TRMT11: variants seen among roughly 807,000 people sequenced by gnomAD.
TRMT11 encodes tRNA methyltransferase 11.
A neutral mutation model predicts 62.8 loss-of-function variants in TRMT11; 53 were observed. That is an observed-to-expected ratio of 0.84 (90% CI 0.68 to 1.06). TRMT11 has a LOEUF of 1.06. Ranked by LOEUF, TRMT11 falls within the 50% of genes least tolerant of loss-of-function variation. The pLI is 0.00. For missense variants in TRMT11, 556 were observed against 553.4 expected (o/e 1.00, Z -0.05); for synonymous variants, 188 against 190.3 (o/e 0.99, Z 0.10).
chr6:126,039,498 A>C (rs2128084752), downstream of TRMT11, among the ~76,000 whole-genome samples: 1 of 152,206 alleles, frequency 6.6e-6, no homozygotes, highest in East Asian at 1.9e-4. Flanking sequence ...ACTGTTGCTC[A>C]AGTTAACTAC....
chr6:126,258,087 A>G, the TRMT11 span: 4 of 1,057,208 alleles, frequency 3.8e-6, no homozygotes, highest in Admixed American at 3.4e-5. Context: ...GTCAATCTCC[A>G]GTTCTGGGAT....
the TRMT11 span, among the ~76,000 whole-genome samples, chr6:126,225,509 T>C: frequency 6.6e-6 from 1 of 151,856 alleles, no homozygotes; most frequent in Non-Finnish European, 1.5e-5. Context: ...GTGCCGATCT[T>C]CTTGGTGGTC....
the TRMT11 span, among the ~76,000 whole-genome samples, chr6:126,260,990 T>G: frequency 6.6e-6 from 1 of 152,216 alleles, no homozygotes; most frequent in Non-Finnish European, 1.5e-5. Flanking sequence ...TGGGAAGTTT[T>G]CAGCTATTAT....
intron 17 of TRMT11, among the ~76,000 whole-genome samples, chr6:126,097,509 A>G (rs1248918574): frequency 6.6e-6 from 1 of 152,200 alleles, no homozygotes; most frequent in African/African-American, 2.4e-5. Flanking sequence ...GCAATAGTAT[A>G]TAGTGGTGCT....
intron 17 of TRMT11, among the ~76,000 whole-genome samples, chr6:126,107,933 C>A (rs546340969): frequency 1.8e-4 from 27 of 152,196 alleles, no homozygotes; most frequent in African/African-American, 6.3e-4. Context: ...CATAGGGTGC[C>A]AAGGAATCAT....
At chr6:126,111,263 A>G (rs1777527966) in intron 17 of TRMT11, among the ~76,000 whole-genome samples, 1 of 152,060 alleles carries the variant, frequency 6.6e-6, no homozygotes, top group South Asian at 2.1e-4. Context: ...CTCATAACCA[A>G]TGCAACAAAT....
chr6:126,128,994 A>T (rs1777750886), intron 21 of TRMT11, among the ~76,000 whole-genome samples: 1 of 143,284 alleles, frequency 7.0e-6, no homozygotes, highest in Admixed American at 7.3e-5. Context: ...TCCAGAGCTT[A>T]TGAGGAGCTA....
intron 21 of TRMT11, among the ~76,000 whole-genome samples, chr6:126,164,584 C>A (rs1778235921): frequency 6.6e-6 from 1 of 152,148 alleles, no homozygotes. Flanking sequence ...GTGTTAAATT[C>A]TCCCACTATT....
chr6:126,003,183 G>T (rs775024119), intron 7 of TRMT11, among the ~76,000 whole-genome samples: 2 of 152,096 alleles, frequency 1.3e-5, no homozygotes, highest in Non-Finnish European at 2.9e-5. Context: ...TATCCAACCC[G>T]CAGCCCATGG....
At chr6:126,268,634 T>C in the TRMT11 span, among the ~76,000 whole-genome samples, 2 of 152,172 alleles carry the variant, frequency 1.3e-5, no homozygotes, top group Non-Finnish European at 2.9e-5. Flanking sequence ...AGCTGGGACA[T>C]TCTGCTGCAG....
chr6:126,070,585 CTCTTT>C (rs750001211), intron 17 of TRMT11, among the ~76,000 whole-genome samples: 29 of 152,210 alleles, frequency 1.9e-4, no homozygotes, highest in Admixed American at 6.5e-4. Context: ...CTCCTTCCCT[CTCTTT>C]TCTTCTGCCT....
intron 1 of TRMT11, among the ~76,000 whole-genome samples, chr6:126,184,149 G>A (rs1778500310): frequency 6.6e-6 from 1 of 152,184 alleles, no homozygotes; most frequent in Non-Finnish European, 1.5e-5. Context: ...GAACTGTGAA[G>A]TGATTACCTT....
intron 17 of TRMT11, among the ~76,000 whole-genome samples, chr6:126,073,707 A>T (rs2128143537): frequency 6.6e-6 from 1 of 152,216 alleles, no homozygotes; most frequent in South Asian, 2.1e-4. Context: ...TACTTTTGTG[A>T]TTCTTAAAAG....
chr6:126,148,595 A>C (rs1417263486), intron 21 of TRMT11, among the ~76,000 whole-genome samples: 1 of 152,066 alleles, frequency 6.6e-6, no homozygotes, highest in African/African-American at 2.4e-5. Flanking sequence ...CTCTAAGCTT[A>C]TTTTCCCCCC....
chr6:126,258,429 C>G, the TRMT11 span: 1 of 332,994 alleles, frequency 3.0e-6, no homozygotes, highest in Non-Finnish European at 5.9e-6. Context: ...CCCGGGTTAG[C>G]CTGCTGGCTC....
chr6:126,102,966 TC>T (rs1281289306), intron 17 of TRMT11, among the ~76,000 whole-genome samples: 4 of 152,198 alleles, frequency 2.6e-5, no homozygotes, highest in African/African-American at 7.2e-5. Flanking sequence ...TAATTGTTCA[TC>T]CCATAGAGAA....
chr6:126,106,367 A>G (rs921143505), intron 17 of TRMT11, among the ~76,000 whole-genome samples: 13 of 151,742 alleles, frequency 8.6e-5, no homozygotes, highest in Admixed American at 2.6e-4. Flanking sequence ...CTGGTTTCGA[A>G]CTCCTGGCCT....
intron 17 of TRMT11, among the ~76,000 whole-genome samples, chr6:126,072,331 A>T (rs111445951): frequency 2.2e-4 from 33 of 152,338 alleles, no homozygotes; most frequent in African/African-American, 7.2e-4. Flanking sequence ...AAAAGCCCCA[A>T]CATTGAGCAC....
At chr6:126,195,145 A>G (rs1191774336) in intron 1 of TRMT11, among the ~76,000 whole-genome samples, 2 of 152,198 alleles carry the variant, frequency 1.3e-5, no homozygotes, top group East Asian at 3.9e-4. Flanking sequence ...TAATTACTTT[A>G]TGATTCAGAT....
Sources: gnomAD v4.1 joint callset for allele counts (sites outside exome capture counted in the v4.1 genomes callset) on GRCh38, gnomAD v4.1.1 for gene constraint, MANE v1.5 for transcripts, NCBI Gene and HGNC (gene_info 2026-07-23, HGNC 2026-07-21) for gene names.